Variants in TVP23C observed in about 807,000 individuals in gnomAD.
The protein encoded by TVP23C is Golgi apparatus membrane protein TVP23 homolog C.
TVP23C carries 19 observed loss-of-function variants against 28.7 expected under a neutral mutation model. That is an observed-to-expected ratio of 0.66 (90% CI 0.46 to 0.97). The LOEUF (loss-of-function observed/expected upper bound fraction) is 0.97, where lower values mean the gene tolerates loss of function less well. TVP23C is among the 50% of genes least tolerant of loss of function. The pLI, the probability that TVP23C is intolerant of heterozygous loss-of-function variation, is 0.00. For synonymous variants in TVP23C, 68 were observed against 81.7 expected, an observed-to-expected ratio of 0.83 and a Z score of 0.90; for missense variants, 186 against 241.3, an observed-to-expected ratio of 0.77 and a Z score of 1.52.
intron 3 of TVP23C, among the ~76,000 whole-genome samples, chr17:15,550,574 T>C (rs923266240): frequency 2.6e-5 from 4 of 152,246 alleles, no homozygotes; most frequent in East Asian, 1.9e-4. Context: ...TTGTTTAAGA[T>C]AGTAGTTTGT....
intron 3 of TVP23C, among the ~76,000 whole-genome samples, chr17:15,552,234 T>A (rs1322018968): frequency 1.3e-5 from 2 of 152,096 alleles, no homozygotes; most frequent in African/African-American, 4.8e-5. Flanking sequence ...CTTTGGAGCA[T>A]AAAGTAACAG....
At chr17:15,513,623 C>G (rs977588794) in intron 5 of TVP23C, among the ~76,000 whole-genome samples, 2 of 152,186 alleles carry the variant, frequency 1.3e-5, no homozygotes, top group Non-Finnish European at 2.9e-5. Context: ...TGAGGATTCT[C>G]TTTCACAGCA....
chr17:15,524,062 GGGT>G lies in TVP23C; in HGVS notation c.463-20833_463-20831del, dbSNP rs1468370026. On this transcript the variant is annotated intron_variant, in intron 5 of 5. Coordinates refer to the TVP23C transcript ENST00000225576. ...TGTTTGTTGTGGTTGTAGCAGAGTG[GGGT>G]GTGTGTGTGTGTGTGTGTGTGTGTG... Among the ~76,000 whole-genome samples, 1,246 of 128,756 alleles carry G rather than the reference GGGT, an allele frequency of 9.7e-3. 13 individuals carry two copies. Among genetic ancestry groups the G allele is most frequent in the African/African-American group, 0.035 (1,173 of 33,270 alleles). The allele number at this position is 128,756 out of a possible 152,430, so 84.5% of individuals were successfully genotyped here.
intron 5 of TVP23C, among the ~76,000 whole-genome samples, chr17:15,507,577 G>A (rs912530363): frequency 7.2e-5 from 11 of 152,296 alleles, no homozygotes; most frequent in East Asian, 3.9e-4. Context: ...GGTGGCTCAC[G>A]CCTGTAATCC....
At chr17:15,550,822 G>A (rs1983852151) in intron 3 of TVP23C, among the ~76,000 whole-genome samples, 1 of 151,808 alleles carries the variant, frequency 6.6e-6, no homozygotes, top group Non-Finnish European at 1.5e-5. Flanking sequence ...TGTTATCTTT[G>A]CCTTCTTTTG....
exon 6 of TVP23C, chr17:15,503,041 C>G: frequency 1.9e-6 from 3 of 1,613,942 alleles, no homozygotes; most frequent in Non-Finnish European, 2.5e-6. Flanking sequence ...TAAGGCGGGG[C>G]GCAGGTTTCC....
chr17:15,546,463 T>C (rs180913189), intron 4 of TVP23C, among the ~76,000 whole-genome samples: 276 of 152,096 alleles, frequency 1.8e-3, no homozygotes, highest in African/African-American at 6.3e-3. Context: ...TTTCTTAAAA[T>C]AACTTGTCAA....
chr17:15,506,737 A>G, intron 5 of TVP23C: 1 of 369,466 alleles, frequency 2.7e-6, no homozygotes, highest in Admixed American at 3.7e-5. Context: ...AACTCCGAAC[A>G]CATCCGAACA....
chr17:15,502,877 G>A (rs2150823154), exon 6 of TVP23C: 1 of 1,587,832 alleles, frequency 6.3e-7, no homozygotes, highest in Non-Finnish European at 8.6e-7. Flanking sequence ...ATGCATTCCG[G>A]ATGCCAGATG....
intron 1 of TVP23C, among the ~76,000 whole-genome samples, chr17:15,558,933 G>T (rs1984255253): frequency 6.8e-6 from 1 of 147,384 alleles, no homozygotes; most frequent in Non-Finnish European, 1.5e-5. Flanking sequence ...GAACAATCAG[G>T]GGTCACTACT....
chr17:15,543,008 ACT>A (rs763431611), intron 5 of TVP23C, among the ~76,000 whole-genome samples: 24 of 152,122 alleles, frequency 1.6e-4, no homozygotes, highest in Admixed American at 6.6e-4. Context: ...GACTGGGCTC[ACT>A]CTCTTGGATG....
At chr17:15,520,503 G>A (rs1597511759) in intron 5 of TVP23C, among the ~76,000 whole-genome samples, 1 of 137,208 alleles carries the variant, frequency 7.3e-6, no homozygotes, top group Middle Eastern at 3.7e-3. Flanking sequence ...CAATTATAGG[G>A]TTCTTTTCAC....
chr17:15,513,966 A>AC (rs1982112244), intron 5 of TVP23C, among the ~76,000 whole-genome samples: 1 of 152,230 alleles, frequency 6.6e-6, no homozygotes, highest in Non-Finnish European at 1.5e-5. Context: ...GCAGGGGCGG[A>AC]CGGTGAGGGA....
intron 1 of TVP23C, chr17:15,563,173 C>G: frequency 1.9e-6 from 1 of 516,328 alleles, no homozygotes; most frequent in Non-Finnish European, 3.2e-6. Context: ...GAAAGAGAGA[C>G]CCCCACTCGC....
intron 5 of TVP23C, among the ~76,000 whole-genome samples, chr17:15,517,693 GT>G (rs1982289789): frequency 6.6e-6 from 1 of 152,182 alleles, no homozygotes; most frequent in African/African-American, 2.4e-5. Flanking sequence ...CCAAACAATG[GT>G]TTGAGGTGGA....
chr17:15,550,046 C>T (rs1983821459), intron 3 of TVP23C, among the ~76,000 whole-genome samples: 3 of 152,098 alleles, frequency 2.0e-5, no homozygotes, highest in Admixed American at 6.5e-5. Context: ...TTATTTCCTG[C>T]TTTTATCTTT....
At chr17:15,533,103 T>C (rs1250282735), downstream of TVP23C, among the ~76,000 whole-genome samples, 1 of 152,252 alleles carries the variant, frequency 6.6e-6, no homozygotes, top group African/African-American at 2.4e-5. Context: ...AGCCACTTTT[T>C]ATCAGAAATA....
intron 5 of TVP23C, among the ~76,000 whole-genome samples, chr17:15,542,252 C>T (rs1420141551): frequency 6.6e-6 from 1 of 152,104 alleles, no homozygotes; most frequent in Non-Finnish European, 1.5e-5. Context: ...AAACTCCTCC[C>T]AACTAACAAT....
intron 5 of TVP23C, among the ~76,000 whole-genome samples, chr17:15,514,323 ACACT>A (rs971036951): frequency 1.3e-5 from 2 of 152,214 alleles, no homozygotes; most frequent in East Asian, 1.9e-4. Flanking sequence ...TTCTAAACAG[ACACT>A]CAATCTTTAA....
Sources: allele counts gnomAD v4.1 joint callset (sites outside exome capture counted in the v4.1 genomes callset), GRCh38; gene constraint gnomAD v4.1.1; transcripts MANE v1.5; gene names NCBI Gene and HGNC (gene_info 2026-07-23, HGNC 2026-07-21).